The following GCA variants were observed in gnomAD, a reference collection of about 807,000 sequenced individuals.
GCA encodes grancalcin, EF-hand calcium-binding protein.
In GCA, 30 loss-of-function variants were observed where a neutral mutation model predicts 32.6. That is an observed-to-expected ratio of 0.92 (90% CI 0.69 to 1.25). The LOEUF (loss-of-function observed/expected upper bound fraction) is 1.25, where lower values mean the gene tolerates loss of function less well. Ranked by LOEUF, GCA falls within the 50% of genes most tolerant of loss-of-function variation. The pLI, the probability that GCA is intolerant of heterozygous loss-of-function variation, is 0.00. For synonymous variants in GCA, 102 were observed against 84.6 expected, an observed-to-expected ratio of 1.21 and a Z score of -1.13; for missense variants, 291 against 266.8, an observed-to-expected ratio of 1.09 and a Z score of -0.63.
At chr2:162,346,989 C>T (rs1216267662) in intron 1 of GCA, among the ~76,000 whole-genome samples, 1 of 152,204 alleles carries the variant, frequency 6.6e-6, no homozygotes, top group Non-Finnish European at 1.5e-5. Flanking sequence ...TGTCATCCCT[C>T]AGGATACTAC....
At chr2:162,369,028 A>G (rs934175174) in intron 4 of GCA, among the ~76,000 whole-genome samples, 1 of 152,072 alleles carries the variant, frequency 6.6e-6, no homozygotes, top group African/African-American at 2.4e-5. Context: ...GGGACCAGGT[A>G]ACATTATTTT....
At chr2:162,354,990 A>T (rs981541198) in intron 3 of GCA, among the ~76,000 whole-genome samples, 1 of 152,324 alleles carries the variant, frequency 6.6e-6, no homozygotes, top group African/African-American at 2.4e-5. Flanking sequence ...GCGATCTATT[A>T]TCATTAATTC....
chr2:162,336,385 T>G (rs994783262), intron 1 of GCA, among the ~76,000 whole-genome samples: 15 of 152,250 alleles, frequency 9.9e-5, no homozygotes, highest in Admixed American at 4.6e-4. Flanking sequence ...ATCTATATGC[T>G]CAAATGGTTT....
At chr2:162,335,396 C>CAG (rs1432905896) in intron 1 of GCA, among the ~76,000 whole-genome samples, 3 of 132,872 alleles carry the variant, frequency 2.3e-5, no homozygotes, top group Non-Finnish European at 3.1e-5. Flanking sequence ...GCCTGGATGA[C>CAG]AGAGTGAGAC....
intron 1 of GCA, among the ~76,000 whole-genome samples, chr2:162,345,587 AAAGAGAACGTC>A (rs1344425023): frequency 1.3e-5 from 2 of 152,232 alleles, no homozygotes; most frequent in Non-Finnish European, 2.9e-5. Context: ...ACGACACAAT[AAAGAGAACGTC>A]TGTATGTGTT....
chr2:162,357,609 A>T (rs1346930525), intron 5 of GCA, among the ~76,000 whole-genome samples: 1 of 151,752 alleles, frequency 6.6e-6, no homozygotes, highest in Admixed American at 6.6e-5. Context: ...CTTATCTCAA[A>T]TTGCAATTTA....
At position 162,349,031 on chromosome 2, in the gene GCA, G is replaced by T. The variant is rs571923957; in HGVS notation, c.192+1289G>T. ...ACTTGCTGCAATGATTCTAAAGTCT[G>T]TCTTGTATACTATGTTGTTGAGAAT... is the stretch of plus-strand genomic sequence containing the variant. On this transcript the variant is annotated intron_variant, in intron 2 of 7. Coordinates refer to ENST00000437150, the MANE Select transcript of GCA (RefSeq NM_012198.5). Among the ~76,000 whole-genome samples, 86 of 151,318 alleles carry T rather than the reference G, an allele frequency of 5.7e-4. 1 individual carries two copies. The South Asian group carries it at 0.013, about 22-fold the overall frequency.
intron 3 of GCA, among the ~76,000 whole-genome samples, chr2:162,354,938 A>G (rs1685192210): frequency 6.6e-6 from 1 of 152,152 alleles, no homozygotes; most frequent in Admixed American, 6.6e-5. Context: ...ACACATTCCT[A>G]TTCTGAGATT....
At chr2:162,364,492 G>C (rs1354768296), downstream of GCA, among the ~76,000 whole-genome samples, 2 of 151,370 alleles carry the variant, frequency 1.3e-5, no homozygotes, top group Non-Finnish European at 3.0e-5. Context: ...CTCATTTTCT[G>C]ATCAGCCTTG....
chr2:162,361,133 A>G lies in GCA; in HGVS notation c.*890A>G. On this transcript the variant is annotated 3_prime_UTR_variant, in exon 8 of 8. Coordinates refer to ENST00000437150, the MANE Select transcript of GCA (RefSeq NM_012198.5). ...AATTAACCACTCTAATTGTTCAGAA[A>G]TTTTACATTTGACTTATTTGACAAC... 1.0e-6 allele frequency: 1 copy of G among 979,744 alleles called. No homozygotes were observed. The highest frequency in any genetic ancestry group is 1.2e-6 in the Non-Finnish European group (1 of 824,082). 60.7% of individuals were successfully genotyped at this position (979,744 alleles called of 1,614,324 possible).
In GCA at chr2:162,362,619, A is replaced by C. The variant is rs889364189; in HGVS notation, c.*2376A>C. On this transcript the variant is annotated 3_prime_UTR_variant, in exon 8 of 8. Coordinates refer to ENST00000437150, the MANE Select transcript of GCA (RefSeq NM_012198.5). ...CATTTTGAGAATTTTTTTAATAAAC[A>C]TTCAAATAGCTTGCTGTAAAGTTTT... 2 of 890,644 alleles carry C rather than the reference A, an allele frequency of 2.2e-6. No individual in the cohort carries two copies. Among genetic ancestry groups the C allele is most frequent in the African/African-American group, 3.6e-5 (2 of 55,342 alleles). 55.2% of individuals were successfully genotyped at this position (890,644 alleles called of 1,614,324 possible). A position where few individuals can be genotyped will look rare whatever the true frequency, so the allele number is the denominator to read the frequency against.
At chr2:162,331,483 G>T (rs1389033574) in intron 1 of GCA, among the ~76,000 whole-genome samples, 2 of 152,210 alleles carry the variant, frequency 1.3e-5, no homozygotes, top group East Asian at 3.9e-4. Context: ...AAGAGGTGGG[G>T]CCTTTAGGAG....
rs183429712 is a variant in GCA, at chr2:162,370,935, T to A, written c.366-371T>A. On this transcript the variant is annotated intron_variant, in intron 4 of 4. Transcript: ENST00000414723. ...TGAATTACCACACCCTGCTAATTTT[T>A]AAACATTTTTTGTAGAGGTGGGGTT... 2.7e-3 allele frequency among the ~76,000 whole-genome samples: 405 copies of A among 152,156 alleles called. 2 individuals are homozygous for A. The highest frequency in any genetic ancestry group is 9.2e-3 in the African/African-American group (384 of 41,528).
At position 162,360,325 on chromosome 2, in the gene GCA, AG is replaced by A. The variant is rs904426559; in HGVS notation, c.*85del. ...GAACTGGACTACTTTAAAACTTTTA[AG>A]GGTTTTCTATGTTCTTCCTACCTGT... On this transcript the variant is annotated 3_prime_UTR_variant, in exon 8 of 8. Coordinates refer to ENST00000437150, the MANE Select transcript of GCA (RefSeq NM_012198.5). The A allele has an allele frequency of 5.9e-6, 9 of 1,529,176 alleles. No homozygotes were observed. The African/African-American group carries it at 1.0e-4, about 17-fold the overall frequency. The allele number at this position is 1,529,176 out of a possible 1,614,324, so 94.7% of individuals were successfully genotyped here.
At chr2:162,369,826 C>T (rs1476708025) in intron 4 of GCA, among the ~76,000 whole-genome samples, 1 of 152,104 alleles carries the variant, frequency 6.6e-6, no homozygotes, top group African/African-American at 2.4e-5. Context: ...TTTCTCTTCC[C>T]TGCTAGGCAC....
intron 1 of GCA, among the ~76,000 whole-genome samples, chr2:162,327,704 T>A (rs944834685): frequency 3.3e-5 from 5 of 152,198 alleles, no homozygotes; most frequent in African/African-American, 1.2e-4. Context: ...CATGCATGCC[T>A]GTGGCTGTCG....
intron 1 of GCA, 146 bp downstream of exon 1, chr2:162,344,421 G>T: frequency 2.7e-6 from 2 of 737,640 alleles, no homozygotes; most frequent in South Asian, 3.4e-5. Flanking sequence ...GGGCTGTTGG[G>T]GGCCAGGGCC....
At position 162,356,842 on chromosome 2, in the gene GCA, G is replaced by A; in HGVS notation, c.391G>A (p.Val131Ile). 1 of 1,610,550 alleles carries A rather than the reference G, an allele frequency of 6.2e-7. No homozygotes were observed. Residue 131 changes from valine to isoleucine, a missense_variant, in exon 5 of 8, where the codon GTT becomes ATT. Physicochemically the swap from Val to Ile is conservative, Grantham distance 29. Transcript: ENST00000437150. ...TGCCTGGAAGGAAAACTTCATGACT[G>A]TTGATCAAGATGGAAGTGGCACAGT... ...LNAWKENFMT[V>I]DQDGSGTVEH...
chr2:162,344,357 C>G (rs890475203), intron 1 of GCA, 82 bp downstream of exon 1: 14 of 1,364,736 alleles, frequency 1.0e-5, no homozygotes, highest in African/African-American at 1.4e-5. Context: ...GCGGGTCCGC[C>G]CTTGGCTCCT....
Sources: gnomAD v4.1 joint callset for allele counts (sites outside exome capture counted in the v4.1 genomes callset) on GRCh38, gnomAD v4.1.1 for gene constraint, MANE v1.5 for transcripts, NCBI Gene and HGNC (gene_info 2026-07-23, HGNC 2026-07-21) for gene names.